The following SMAP2 variants were observed in gnomAD, a reference collection of about 807,000 sequenced individuals.
SMAP2 encodes the protein small ArfGAP2.
SMAP2 carries 25 observed loss-of-function variants against 56.4 expected under a neutral mutation model. The observed-to-expected ratio is 0.44, with a 90% CI of 0.32 to 0.62. The LOEUF (loss-of-function observed/expected upper bound fraction) is 0.62. Among genes scored for constraint, SMAP2 ranks in the 20% least tolerant of loss-of-function variants. SMAP2 has a pLI of 0.04. For synonymous variants in SMAP2, 157 were observed against 181.7 expected, an observed-to-expected ratio of 0.86 and a Z score of 1.09; for missense variants, 388 against 545.6, an observed-to-expected ratio of 0.71 and a Z score of 2.88.
intron 1 of SMAP2, among the ~76,000 whole-genome samples, chr1:40,345,883 G>GTATT (rs1329394751): frequency 1.7e-5 from 1 of 58,664 alleles, no homozygotes; most frequent in East Asian, 4.2e-4. Flanking sequence ...GTATTATATT[G>GTATT]TATTGTATTA....
rs370811801 is a variant in SMAP2 at position 40,374,624 on chromosome 1, TGA to T, written c.103+418_103+419del. ...GTGTGTGTGTGTGTGTGTGTGTGTG[TGA>T]GAGAGAGAGAGAGAGAATGACGAGG... On this transcript the variant is annotated intron_variant, in intron 1 of 9. Coordinates refer to ENST00000372718, the MANE Select transcript of SMAP2 (RefSeq NM_022733.3). This position sits in a 1 kb window ranked among gnomAD's most constrained non-coding sequence, Gnocchi z 5.9. 7.8e-3 allele frequency: 6,434 copies of T among 829,970 alleles called. 60 individuals carry two copies. The highest frequency in any genetic ancestry group is 0.025 in the Admixed American group (1,044 of 42,200). 51.4% of individuals were successfully genotyped at this position (829,970 alleles called of 1,614,324 possible).
At position 40,422,206 on chromosome 1, in the gene SMAP2, T is replaced by G; in HGVS notation, c.*105T>G. The G allele has an allele frequency of 6.8e-7, 1 of 1,474,932 alleles. No homozygotes were observed. The highest frequency in any genetic ancestry group is 9.1e-7 in the Non-Finnish European group (1 of 1,097,628). 91.4% of individuals were successfully genotyped at this position (1,474,932 alleles called of 1,614,324 possible). On this transcript the variant is annotated 3_prime_UTR_variant, in exon 10 of 10. Coordinates refer to ENST00000372718, the MANE Select transcript of SMAP2 (RefSeq NM_022733.3). ...CTCTTTTCCTACCTCTCTGTTTGGTTTAGAAATTGCTCAATAAGTCATTTG... is the reference window on the plus strand; with the variant it reads ...CTCTTTTCCTACCTCTCTGTTTGGTGTAGAAATTGCTCAATAAGTCATTTG...
intron 1 of SMAP2, among the ~76,000 whole-genome samples, chr1:40,349,722 T>C (rs971817920): frequency 5.9e-5 from 9 of 152,172 alleles, no homozygotes; most frequent in African/African-American, 2.2e-4. Flanking sequence ...GGTTTCACCA[T>C]GTTGGCCAGG....
chr1:40,389,099 G>A (rs754042112), intron 1 of SMAP2, among the ~76,000 whole-genome samples: 9 of 152,168 alleles, frequency 5.9e-5, no homozygotes, highest in Non-Finnish European at 1.2e-4. Context: ...CACTGCGAGG[G>A]TCCACGGCTT....
chr1:40,368,080 C>T (rs1270949469), intron 2 of SMAP2, among the ~76,000 whole-genome samples: 21 of 137,810 alleles, frequency 1.5e-4, no homozygotes, highest in African/African-American at 4.7e-4. Context: ...AACACCTCTA[C>T]GCAAATAAAC....
rs143326400 is a variant in SMAP2, at chr1:40,393,563, T to G, written c.104-13173T>G. ...TAACTTTTTTTTTTTTTTTTTTTTT[T>G]GTGACAGAGTCTTGCTCTGTCGCCC... is the stretch of plus-strand genomic sequence containing the variant. On this transcript the variant is annotated intron_variant, in intron 1 of 9. Transcript: ENST00000372718. The G allele has an allele frequency of 4.1e-4, 404 of 978,746 alleles. 5 individuals carry two copies. The South Asian group carries it at 5.4e-3, about 13-fold the overall frequency. 60.6% of individuals were successfully genotyped at this position (978,746 alleles called of 1,614,324 possible). A position where few individuals can be genotyped will look rare whatever the true frequency, so the allele number is the denominator to read the frequency against.
chr1:40,417,384 A>G (rs750595049), intron 9 of SMAP2, among the ~76,000 whole-genome samples: 1 of 152,198 alleles, frequency 6.6e-6, no homozygotes, highest in Non-Finnish European at 1.5e-5. Context: ...TGTACAAACA[A>G]TGAATGCAGA....
At chr1:40,375,376 G>C (rs902393088) in intron 1 of SMAP2, among the ~76,000 whole-genome samples, 1 of 152,118 alleles carries the variant, frequency 6.6e-6, no homozygotes, top group African/African-American at 2.4e-5. Context: ...AGTTATATTC[G>C]TATTTATCTA....
At chr1:40,358,487 T>C (rs1050655996) in intron 1 of SMAP2, among the ~76,000 whole-genome samples, 2 of 152,244 alleles carry the variant, frequency 1.3e-5, no homozygotes, top group African/African-American at 4.8e-5. Flanking sequence ...GAGGTTACAG[T>C]AAGCCAAGAT....
intron 4 of SMAP2, among the ~76,000 whole-genome samples, chr1:40,411,685 T>G (rs1369707804): frequency 6.6e-6 from 1 of 152,204 alleles, no homozygotes. Context: ...ACGTTTAATA[T>G]CAAATGAAAA....
chr1:40,349,436 A>G (rs1355040850), intron 1 of SMAP2, among the ~76,000 whole-genome samples: 1 of 152,208 alleles, frequency 6.6e-6, no homozygotes, highest in African/African-American at 2.4e-5. Flanking sequence ...GCCTCAAGTC[A>G]CACAGCTAGT....
At chr1:40,416,759 G>A in intron 8 of SMAP2, 21 bp from the exon 9 acceptor site, 1 of 1,587,766 alleles carries the variant, frequency 6.3e-7, no homozygotes, top group Non-Finnish European at 8.6e-7. Flanking sequence ...TAACCAACCT[G>A]TATGTGTGTT....
chr1:40,356,652 C>T (rs209596), intron 1 of SMAP2, among the ~76,000 whole-genome samples: 10,804 of 152,050 alleles, frequency 0.071, 1,325 homozygotes, highest in African/African-American at 0.25. Context: ...CTTTGTGAGC[C>T]GCCCGCCTTG....
At chr1:40,346,433 G>A (rs780597904) in intron 1 of SMAP2, among the ~76,000 whole-genome samples, 4 of 151,882 alleles carry the variant, frequency 2.6e-5, no homozygotes, top group Non-Finnish European at 4.4e-5. Flanking sequence ...GCAGTGGCAT[G>A]ATGACAGCTC....
At chr1:40,354,119 A>G (rs1299461342) in intron 1 of SMAP2, among the ~76,000 whole-genome samples, 1 of 152,092 alleles carries the variant, frequency 6.6e-6, no homozygotes, top group East Asian at 1.9e-4. Flanking sequence ...TCTTTAAGCT[A>G]CTGTTAGTTG....
At chr1:40,403,979 T>C (rs576653696) in intron 1 of SMAP2, among the ~76,000 whole-genome samples, 2 of 152,314 alleles carry the variant, frequency 1.3e-5, no homozygotes, top group South Asian at 4.1e-4. Flanking sequence ...ATGCCTGTAG[T>C]CCCAGCTACA....
At chr1:40,394,516 C>G (rs570228956) in intron 1 of SMAP2, among the ~76,000 whole-genome samples, 25 of 152,246 alleles carry the variant, frequency 1.6e-4, no homozygotes, top group Non-Finnish European at 1.6e-4. Flanking sequence ...TCAGTCTCAT[C>G]TCACTGACTT....
rs181519008 is a variant in SMAP2 at position 40,397,997 on chromosome 1, G to A, written c.104-8739G>A. 3.5e-4 allele frequency among the ~76,000 whole-genome samples: 53 copies of A among 152,264 alleles called. 1 individual carries two copies. Among genetic ancestry groups the A allele is most frequent in the African/African-American group, 1.2e-3 (51 of 41,532 alleles). ...CAACAGACTTTATATATTATGTTAA[G>A]GAGTTTCAACTTACCCTGCAGCCAG... is the stretch of plus-strand genomic sequence containing the variant. On this transcript the variant is annotated intron_variant, in intron 1 of 9. Coordinates refer to ENST00000372718, the MANE Select transcript of SMAP2 (RefSeq NM_022733.3).
At chr1:40,399,976 T>G (rs1370557581) in intron 1 of SMAP2, among the ~76,000 whole-genome samples, 1 of 152,216 alleles carries the variant, frequency 6.6e-6, no homozygotes, top group African/African-American at 2.4e-5. Context: ...TTTGAAATTT[T>G]CTGTAAGGTA....
Sources: gnomAD v4.1 joint callset for allele counts (sites outside exome capture counted in the v4.1 genomes callset) on GRCh38, gnomAD v4.1.1 for gene constraint, Gnocchi (gnomAD v3.1) non-coding constraint, MANE v1.5 for transcripts, NCBI Gene and HGNC (gene_info 2026-07-23, HGNC 2026-07-21) for gene names.